PARVA: variants seen among roughly 807,000 people sequenced by gnomAD.
The protein encoded by PARVA is parvin alpha, also known as alpha-parvin.
In PARVA, 25 loss-of-function variants were observed where a neutral mutation model predicts 52.6. The observed-to-expected ratio is 0.48, with a 90% CI of 0.35 to 0.66. The LOEUF is 0.66. PARVA is among the 30% of genes least tolerant of loss of function. PARVA has a pLI of 0.01. For missense variants in PARVA, 373 were observed against 450.9 expected, an observed-to-expected ratio of 0.83 and a Z score of 1.56; for synonymous variants, 185 against 179.1, an observed-to-expected ratio of 1.03 and a Z score of -0.26.
intron 5 of PARVA, among the ~76,000 whole-genome samples, chr11:12,501,143 TA>T (rs1941358576): frequency 1.3e-5 from 2 of 151,692 alleles, no homozygotes; most frequent in African/African-American, 4.9e-5. Context: ...CTAGCATAAC[TA>T]TTTTCATTTG....
intron 1 of PARVA, among the ~76,000 whole-genome samples, chr11:12,406,928 C>T (rs530978550): frequency 1.3e-5 from 2 of 152,158 alleles, no homozygotes; most frequent in East Asian, 3.9e-4. Context: ...CCTCGGCTTC[C>T]CAAAGTGCTG....
chr11:12,391,551 G>T (rs1190444560), intron 1 of PARVA, among the ~76,000 whole-genome samples: 1 of 152,222 alleles, frequency 6.6e-6, no homozygotes, highest in African/African-American at 2.4e-5. Flanking sequence ...TTGTGTTTGT[G>T]CAGGTTGGTA....
At chr11:12,457,313 T>C (rs1940710894) in intron 1 of PARVA, among the ~76,000 whole-genome samples, 1 of 152,180 alleles carries the variant, frequency 6.6e-6, no homozygotes, top group African/African-American at 2.4e-5. Context: ...GAAAAAAAAA[T>C]CAGGGTGCTG....
intron 1 of PARVA, among the ~76,000 whole-genome samples, chr11:12,430,323 T>C (rs939961020): frequency 4.6e-5 from 7 of 152,238 alleles, no homozygotes; most frequent in African/African-American, 1.4e-4. Flanking sequence ...CTTTGTATTT[T>C]AAATTTTAAT....
rs1464161911 is a variant in PARVA, at chr11:12,478,300, A to G, written c.400+351A>G. The G allele has an allele frequency of 3.5e-5, 13 of 372,114 alleles. No individual in the cohort carries two copies. The Admixed American group carries it at 4.8e-4, about 14-fold the overall frequency. The allele number at this position is 372,114 out of a possible 1,614,324, so 23.1% of individuals were successfully genotyped here. A position where few individuals can be genotyped will look rare whatever the true frequency, so the allele number is the denominator to read the frequency against. ...GGCCTCTGTCGGTATATTTACATGC[A>G]TGGGCCTGAGTATGCATTTTTAGAC... On this transcript the variant is annotated intron_variant, in intron 4 of 12. Transcript: ENST00000334956.
chr11:12,513,143 C>G (rs368206005), intron 8 of PARVA, 156 bp from the exon 9 acceptor site: 2 of 750,776 alleles, frequency 2.7e-6, no homozygotes, highest in East Asian at 5.0e-5. Flanking sequence ...AGCCCCAAAT[C>G]ACATTCCAGA....
chr11:12,456,265 G>A (rs754907764), intron 1 of PARVA, among the ~76,000 whole-genome samples: 2 of 152,212 alleles, frequency 1.3e-5, no homozygotes, highest in Non-Finnish European at 2.9e-5. Context: ...TGGGCATTTC[G>A]TATGTGCCAT....
At chr11:12,457,315 A>AG (rs1419605380) in intron 1 of PARVA, among the ~76,000 whole-genome samples, 2 of 152,242 alleles carry the variant, frequency 1.3e-5, no homozygotes, top group East Asian at 3.8e-4. Context: ...AAAAAAAATC[A>AG]GGGTGCTGCA....
chr11:12,535,121 T>C lies in PARVA; in HGVS notation c.*7196T>C, dbSNP rs903170715. 2.6e-5 allele frequency among the ~76,000 whole-genome samples: 4 copies of C among 152,226 alleles called. No individual in the cohort carries two copies. Among genetic ancestry groups the C allele is most frequent in the Non-Finnish European group, 4.4e-5 (3 of 68,042 alleles). ...CTGTGCCTCTCCTGAGTCTACTTTC[T>C]GCATCATTGGTTCTCCCAGCTCACT... On this transcript the variant is annotated 3_prime_UTR_variant, in exon 13 of 13. Transcript: ENST00000334956.
intron 1 of PARVA, among the ~76,000 whole-genome samples, chr11:12,408,875 C>T (rs1374432089): frequency 6.6e-6 from 1 of 152,142 alleles, no homozygotes; most frequent in Non-Finnish European, 1.5e-5. Flanking sequence ...ACAGATATTT[C>T]AGTGGGGATT....
At chr11:12,499,177 T>G (rs1387731167) in intron 5 of PARVA, among the ~76,000 whole-genome samples, 1 of 152,208 alleles carries the variant, frequency 6.6e-6, no homozygotes, top group Admixed American at 6.5e-5. Flanking sequence ...AGGGAATAAT[T>G]ATCTCATCTT....
intron 1 of PARVA, among the ~76,000 whole-genome samples, chr11:12,386,460 A>G (rs1939573516): frequency 6.6e-6 from 1 of 152,198 alleles, no homozygotes; most frequent in African/African-American, 2.4e-5. Context: ...CAGTGCCCAC[A>G]GGAAGAGTGA....
chr11:12,487,036 C>A (rs751723069), intron 4 of PARVA, among the ~76,000 whole-genome samples: 1 of 152,128 alleles, frequency 6.6e-6, no homozygotes, highest in African/African-American at 2.4e-5. Context: ...GTGGAAGGAA[C>A]TCCAGCAGAG....
intron 9 of PARVA, 58 bp downstream of exon 9, chr11:12,513,418 A>G: frequency 6.8e-7 from 1 of 1,475,174 alleles, no homozygotes. Context: ...GAACATTGGG[A>G]AAACCCATCC....
intron 1 of PARVA, among the ~76,000 whole-genome samples, chr11:12,395,432 G>T (rs185261536): frequency 2.0e-5 from 3 of 152,248 alleles, no homozygotes; most frequent in Non-Finnish European, 4.4e-5. Flanking sequence ...GGAGGTAGTG[G>T]TCAGTGCCGG....
At chr11:12,510,030 T>C (rs1027696620) in intron 7 of PARVA, among the ~76,000 whole-genome samples, 2 of 152,224 alleles carry the variant, frequency 1.3e-5, no homozygotes, top group African/African-American at 4.8e-5. Context: ...TGTTATGCTT[T>C]CTATGGTCCC....
At chr11:12,439,012 G>A (rs1342374552) in intron 1 of PARVA, among the ~76,000 whole-genome samples, 1 of 152,202 alleles carries the variant, frequency 6.6e-6, no homozygotes. Context: ...TAGTGCCTGG[G>A]ATGGCTCATG....
intron 1 of PARVA, among the ~76,000 whole-genome samples, chr11:12,442,733 C>T (rs1202110875): frequency 2.6e-5 from 4 of 151,940 alleles, no homozygotes; most frequent in East Asian, 1.9e-4. Flanking sequence ...AGCCTCCCCA[C>T]GAAGCTTCAG....
chr11:12,519,763 G>T (rs1187932733), intron 12 of PARVA, among the ~76,000 whole-genome samples: 1 of 152,160 alleles, frequency 6.6e-6, no homozygotes, highest in Non-Finnish European at 1.5e-5. Context: ...AGCCAACAAA[G>T]GTCAACTCCT....
Sources: allele counts gnomAD v4.1 joint callset (sites outside exome capture counted in the v4.1 genomes callset), GRCh38; gene constraint gnomAD v4.1.1; transcripts MANE v1.5; gene names NCBI Gene and HGNC (gene_info 2026-07-23, HGNC 2026-07-21).